The following CCDC138 variants were observed in gnomAD, a reference collection of about 807,000 sequenced individuals.
CCDC138 encodes coiled-coil domain-containing protein 138.
A neutral mutation model predicts 82.3 loss-of-function variants in CCDC138; 66 were observed. The observed-to-expected ratio is 0.80, with a 90% CI of 0.66 to 0.98. CCDC138 has a LOEUF of 0.98. Among genes scored for constraint, CCDC138 ranks in the 50% least tolerant of loss-of-function variants. The pLI is 0.00. For synonymous variants in CCDC138, 297 were observed against 265.4 expected, an observed-to-expected ratio of 1.12 and a Z score of -1.16; for missense variants, 816 against 758.9, an observed-to-expected ratio of 1.08 and a Z score of -0.88.
chr2:108,791,205 T>C (rs1679855675), intron 3 of CCDC138, among the ~76,000 whole-genome samples: 2 of 152,232 alleles, frequency 1.3e-5, no homozygotes, highest in South Asian at 4.1e-4. Context: ...TTATATTGCT[T>C]TTGAACAATA....
chr2:108,813,797 C>A (rs950786068), intron 9 of CCDC138, among the ~76,000 whole-genome samples: 3 of 152,142 alleles, frequency 2.0e-5, no homozygotes, highest in African/African-American at 4.8e-5. Flanking sequence ...CCTGGTCATT[C>A]TTTTCTGCCA....
intron 13 of CCDC138, among the ~76,000 whole-genome samples, chr2:108,868,916 A>C (rs1574309436): frequency 6.6e-6 from 1 of 151,672 alleles, no homozygotes; most frequent in African/African-American, 2.4e-5. Context: ...AAAAAAATGA[A>C]ATTTTTTTCT....
intron 7 of CCDC138, among the ~76,000 whole-genome samples, chr2:108,807,182 T>C (rs1026162789): frequency 6.6e-6 from 1 of 152,200 alleles, no homozygotes; most frequent in African/African-American, 2.4e-5. Context: ...TATTGGAATT[T>C]AACAGGCAAT....
In CCDC138 at chr2:108,839,276, T is replaced by C. The variant is rs1326979958; in HGVS notation, c.1298T>C (p.Leu433Pro). The change falls in exon 11 of 15, where the codon CTA (leucine) becomes CCA (proline). Residue 433 changes from leucine to proline, a missense_variant. By Grantham distance (98) the Leu-to-Pro change is moderately conservative (BLOSUM62 -3). Transcript: ENST00000295124. ...TTTGTAAAATTTATATATTGGTCCC[T>C]AAGGCAGCTAGATGCTGGAGCACAG... ...EPFVKFIYWS[L>P]RQLDAGAQHS... 1 of 1,612,292 alleles carries C rather than the reference T, an allele frequency of 6.2e-7. No homozygotes were observed. The highest frequency in any genetic ancestry group is 2.2e-5 in the East Asian group (1 of 44,736).
chr2:108,847,839 C>A (rs1299880218), intron 12 of CCDC138, among the ~76,000 whole-genome samples: 2 of 152,092 alleles, frequency 1.3e-5, no homozygotes, highest in Non-Finnish European at 2.9e-5. Context: ...AAGTAAAAAA[C>A]CATATAACTG....
chr2:108,832,361 T>C (rs1158289136), intron 10 of CCDC138, among the ~76,000 whole-genome samples: 2 of 149,902 alleles, frequency 1.3e-5, no homozygotes, highest in Non-Finnish European at 3.0e-5. Context: ...TTTTTTTTTT[T>C]TTTGAGACAG....
At chr2:108,854,086 TTTATA>T (rs1244862297) in intron 12 of CCDC138, among the ~76,000 whole-genome samples, 4 of 132,326 alleles carry the variant, frequency 3.0e-5, no homozygotes, top group East Asian at 2.0e-4. Context: ...ATATAATAAA[TTTATA>T]TTATATATAT....
Position 108,875,332 on chromosome 2 carries a change from AAAAAG to A in CCDC138, c.1833-752_1833-748del, listed in dbSNP as rs763831966. Among the ~76,000 whole-genome samples the A allele has an allele frequency of 0.013, 1,761 of 136,176 alleles. 60 individuals are homozygous for A. In the East Asian group the frequency reaches 0.4, roughly 31 times the overall value. 89.3% of individuals were successfully genotyped at this position (136,176 alleles called of 152,430 possible). A position where few individuals can be genotyped will look rare whatever the true frequency, so the allele number is the denominator to read the frequency against. On this transcript the variant is annotated intron_variant, in intron 14 of 14. Transcript: ENST00000295124. Reference sequence around the variant, plus strand: ...CTTAAAGTATAATAAAAAAAAAAAAAAAAAGAAACAAATTCTTAATGATTGAAATG... The same window carrying A: ...CTTAAAGTATAATAAAAAAAAAAAAAAAACAAATTCTTAATGATTGAAATG...
chr2:108,862,025 G>C (rs1358136774), intron 13 of CCDC138, among the ~76,000 whole-genome samples: 1 of 147,994 alleles, frequency 6.8e-6, no homozygotes, highest in Admixed American at 6.7e-5. Flanking sequence ...TCTTTGTATT[G>C]GTTTCTATTT....
chr2:108,820,569 A>G (rs1685511457), intron 10 of CCDC138, among the ~76,000 whole-genome samples: 2 of 152,194 alleles, frequency 1.3e-5, no homozygotes, highest in African/African-American at 4.8e-5. Context: ...AGTAAAATAC[A>G]AAGAGAATCT....
chr2:108,820,699 C>CAAAAAAAAAAAAAAAAAAAA (rs764017401), intron 10 of CCDC138, among the ~76,000 whole-genome samples: 1 of 62,588 alleles, frequency 1.6e-5, no homozygotes, highest in African/African-American at 5.3e-5. Flanking sequence ...ATTCAAAGTG[C>CAAAAAAAAAAAAAAAAAAAA]AAAAAAAAAA....
intron 5 of CCDC138, among the ~76,000 whole-genome samples, chr2:108,795,683 G>A (rs1026593201): frequency 1.3e-5 from 2 of 152,176 alleles, no homozygotes; most frequent in Non-Finnish European, 2.9e-5. Flanking sequence ...AAAAGTTTAG[G>A]GAGAGACTTA....
chr2:108,787,093 G>A (rs965837968), intron 1 of CCDC138, among the ~76,000 whole-genome samples, 178 bp downstream of exon 1: 1 of 152,140 alleles, frequency 6.6e-6, no homozygotes, highest in Non-Finnish European at 1.5e-5. Flanking sequence ...GTTGCGCTGC[G>A]GGGGTGCGGG....
chr2:108,875,347 C>A (rs1020734298), intron 14 of CCDC138, among the ~76,000 whole-genome samples: 5 of 146,814 alleles, frequency 3.4e-5, no homozygotes, highest in African/African-American at 7.5e-5. Context: ...GAAACAAATT[C>A]TTAATGATTG....
intron 10 of CCDC138, among the ~76,000 whole-genome samples, chr2:108,829,718 C>T (rs1687224795): frequency 6.6e-6 from 1 of 152,172 alleles, no homozygotes; most frequent in Non-Finnish European, 1.5e-5. Flanking sequence ...CACACTACAG[C>T]CTGGGAGACA....
At chr2:108,788,755 G>C (rs1462812607) in intron 2 of CCDC138, 97 bp from the exon 3 acceptor site, 1 of 1,476,190 alleles carries the variant, frequency 6.8e-7, no homozygotes, top group Non-Finnish European at 9.0e-7. Context: ...TGAGAGAGAA[G>C]ATTTTAAAAA....
chr2:108,798,391 CTT>C (rs765039579), intron 5 of CCDC138, 35 bp from the exon 6 acceptor site: 2 of 1,582,148 alleles, frequency 1.3e-6, no homozygotes, highest in Non-Finnish European at 1.7e-6. Flanking sequence ...GAATTTGTGA[CTT>C]TTCAAGAGCA....
chr2:108,787,895 G>T, intron 1 of CCDC138, 137 bp from the exon 2 acceptor site: 1 of 732,892 alleles, frequency 1.4e-6, no homozygotes, highest in Non-Finnish European at 2.1e-6. Context: ...TATTAGTTTT[G>T]ATCACTTGGT....
downstream of CCDC138, chr2:108,878,366 A>G (rs182205888): frequency 3.3e-5 from 7 of 212,122 alleles, no homozygotes; most frequent in South Asian, 8.7e-5. Flanking sequence ...CAAAAGCAAA[A>G]TTGTCTCATT....
Sources: gnomAD v4.1 joint callset for allele counts (sites outside exome capture counted in the v4.1 genomes callset) on GRCh38, gnomAD v4.1.1 for gene constraint, MANE v1.5 for transcripts, NCBI Gene and HGNC (gene_info 2026-07-23, HGNC 2026-07-21) for gene names.